The following GPC6 variants were observed in gnomAD, a reference collection of about 807,000 sequenced individuals.
GPC6 encodes glypican-6.
A neutral mutation model predicts 55.2 loss-of-function variants in GPC6; 14 were observed. The ratio of observed to expected loss-of-function variants is 0.25; its 90% CI spans 0.17 to 0.40. The LOEUF is 0.40. GPC6 is among the 10% of genes least tolerant of loss of function. The pLI is 1.00. For synonymous variants in GPC6, 278 were observed against 259.6 expected (o/e 1.07, Z -0.68); for missense variants, 641 against 708.5 (o/e 0.90, Z 1.08).
chr13:93,802,705 A>C (rs1886414526), intron 2 of GPC6, among the ~76,000 whole-genome samples: 1 of 152,120 alleles, frequency 6.6e-6, no homozygotes, highest in East Asian at 1.9e-4. Context: ...GGCTGAAAAT[A>C]ACCTTTTACA....
chr13:94,083,216 A>T (rs1594722110), intron 4 of GPC6, among the ~76,000 whole-genome samples: 1 of 151,960 alleles, frequency 6.6e-6, no homozygotes, highest in South Asian at 2.1e-4. Context: ...CCTCCCTGGT[A>T]CTTGCCATTC....
At chr13:93,489,461 T>C (rs2139353248) in intron 1 of GPC6, among the ~76,000 whole-genome samples, 1 of 151,596 alleles carries the variant, frequency 6.6e-6, no homozygotes, top group Middle Eastern at 3.4e-3. Flanking sequence ...TGGGCTCTTT[T>C]TTGGTTTCAT....
chr13:93,942,260 G>A (rs1566614498), intron 3 of GPC6, among the ~76,000 whole-genome samples: 1 of 152,200 alleles, frequency 6.6e-6, no homozygotes. Flanking sequence ...GAAGGGTTCT[G>A]TGAGTCAGGA....
chr13:93,276,166 G>A (rs1594067624), intron 1 of GPC6, among the ~76,000 whole-genome samples: 1 of 152,190 alleles, frequency 6.6e-6, no homozygotes. Flanking sequence ...GAGCCACCGC[G>A]CCCAGCGAGA....
At chr13:94,377,700 A>C (rs1879950082) in intron 6 of GPC6, among the ~76,000 whole-genome samples, 1 of 152,170 alleles carries the variant, frequency 6.6e-6, no homozygotes, top group South Asian at 2.1e-4. Context: ...TACTGGGTAT[A>C]TACCCAAAGG....
chr13:93,354,349 A>ATTTTTTTTTT (rs11454186), intron 1 of GPC6, among the ~76,000 whole-genome samples: 1,187 of 115,676 alleles, frequency 0.01, 81 homozygotes, highest in African/African-American at 0.036. Context: ...CCGTTGGTAG[A>ATTTTTTTTTT]TTTTTTTTTT....
At chr13:93,347,345 A>G (rs972615501) in intron 1 of GPC6, among the ~76,000 whole-genome samples, 1 of 152,156 alleles carries the variant, frequency 6.6e-6, no homozygotes, top group Non-Finnish European at 1.5e-5. Flanking sequence ...GATTTTTTTA[A>G]GTTATCTTCC....
chr13:93,486,922 C>G (rs946238643), intron 1 of GPC6, among the ~76,000 whole-genome samples: 1 of 146,880 alleles, frequency 6.8e-6, no homozygotes, highest in Non-Finnish European at 1.5e-5. Context: ...TCCAGCCTGG[C>G]GACAGAGCGA....
intron 1 of GPC6, among the ~76,000 whole-genome samples, chr13:93,481,610 T>C (rs1023781337): frequency 6.8e-6 from 1 of 147,312 alleles, no homozygotes; most frequent in Non-Finnish European, 1.5e-5. Context: ...ATAATTTTTG[T>C]ATATTTTGTG....
chr13:94,034,038 C>T (rs945616510), intron 4 of GPC6, among the ~76,000 whole-genome samples: 3 of 152,150 alleles, frequency 2.0e-5, no homozygotes, highest in Non-Finnish European at 2.9e-5. Context: ...ACACTGTTTT[C>T]TGTCAGGTGA....
chr13:94,302,358 G>T (rs1394180752), intron 5 of GPC6, among the ~76,000 whole-genome samples: 1 of 152,112 alleles, frequency 6.6e-6, no homozygotes, highest in Non-Finnish European at 1.5e-5. Flanking sequence ...ATCATTTGTT[G>T]TTGTTTTTTT....
intron 2 of GPC6, among the ~76,000 whole-genome samples, chr13:93,602,023 G>T (rs1408070914): frequency 1.3e-5 from 2 of 152,036 alleles, no homozygotes; most frequent in Non-Finnish European, 2.9e-5. Flanking sequence ...AAAGTTAATG[G>T]CCCCCATGTG....
intron 2 of GPC6, among the ~76,000 whole-genome samples, chr13:93,675,279 G>T (rs997414196): frequency 2.0e-5 from 3 of 151,920 alleles, no homozygotes; most frequent in Non-Finnish European, 4.4e-5. Flanking sequence ...GTTTGGATTT[G>T]AGGAGGAATA....
intron 2 of GPC6, among the ~76,000 whole-genome samples, chr13:93,621,906 C>T (rs1345578283): frequency 2.6e-5 from 4 of 152,068 alleles, no homozygotes; most frequent in African/African-American, 9.7e-5. Flanking sequence ...TTGAAATATG[C>T]AATACACTGT....
At chr13:94,336,988 T>C (rs775054095) in intron 6 of GPC6, among the ~76,000 whole-genome samples, 23 of 152,186 alleles carry the variant, frequency 1.5e-4, no homozygotes, top group Non-Finnish European at 3.2e-4. Flanking sequence ...TAGAAACCCT[T>C]CTAACTGGTG....
chr13:93,969,862 T>C (rs55695055), intron 3 of GPC6, among the ~76,000 whole-genome samples: 3,862 of 152,236 alleles, frequency 0.025, 127 homozygotes, highest in East Asian at 0.12. Context: ...CTTAACATAA[T>C]GGCCTCCAGT....
chr13:93,918,711 G>T (rs1368481615), intron 3 of GPC6, among the ~76,000 whole-genome samples: 1 of 152,136 alleles, frequency 6.6e-6, no homozygotes. Context: ...AGGGACTCTA[G>T]CCCCTGCGAA....
At chr13:94,095,995 A>C (rs1375111757) in intron 4 of GPC6, among the ~76,000 whole-genome samples, 3 of 152,222 alleles carry the variant, frequency 2.0e-5, no homozygotes, top group Non-Finnish European at 4.4e-5. Flanking sequence ...GCCACACAGC[A>C]GTCAAAAGAT....
intron 1 of GPC6, among the ~76,000 whole-genome samples, chr13:93,240,218 G>T (rs1876382170): frequency 6.6e-6 from 1 of 152,008 alleles, no homozygotes; most frequent in South Asian, 2.1e-4. Context: ...AGCTAGTGTT[G>T]TGTTGAAGTC....
Sources: gnomAD v4.1 joint callset for allele counts (sites outside exome capture counted in the v4.1 genomes callset) on GRCh38, gnomAD v4.1.1 for gene constraint, MANE v1.5 for transcripts, NCBI Gene and HGNC (gene_info 2026-07-23, HGNC 2026-07-21) for gene names.